PDE1A: variants seen among roughly 807,000 people sequenced by gnomAD.
The protein encoded by PDE1A is dual specificity calcium/calmodulin-dependent 3',5'-cyclic nucleotide phosphodiesterase 1A.
PDE1A carries 35 observed loss-of-function variants against 61.7 expected under a neutral mutation model. The ratio of observed to expected loss-of-function variants is 0.57; its 90% CI spans 0.43 to 0.75. The LOEUF is 0.75. PDE1A is among the 30% of genes least tolerant of loss of function. PDE1A has a pLI of 0.00. For missense variants in PDE1A, 597 were observed against 630.6 expected (o/e 0.95, Z 0.57); for synonymous variants, 232 against 213.2 (o/e 1.09, Z -0.77).
intron 1 of PDE1A, among the ~76,000 whole-genome samples, chr2:182,336,796 A>G (rs1697854787): frequency 6.6e-6 from 1 of 151,228 alleles, no homozygotes; most frequent in Admixed American, 6.6e-5. Context: ...TGAGAGTTGA[A>G]CAATGAGAAC....
chr2:182,406,773 T>C (rs1702319456), intron 1 of PDE1A, among the ~76,000 whole-genome samples: 2 of 152,000 alleles, frequency 1.3e-5, no homozygotes, highest in South Asian at 4.2e-4. Context: ...AAAAAACAAA[T>C]AATTTTTTAA....
intron 1 of PDE1A, among the ~76,000 whole-genome samples, chr2:182,297,525 C>A (rs553377804): frequency 6.6e-6 from 1 of 152,296 alleles, no homozygotes; most frequent in East Asian, 1.9e-4. Context: ...GTGAAAGTAA[C>A]AGTCTAACGT....
rs1396385444 is a variant in PDE1A, at chr2:182,500,330, AG to A, written c.101+21945del. Among the ~76,000 whole-genome samples the A allele has an allele frequency of 5.9e-5, 9 of 152,212 alleles. No individual in the cohort carries two copies. In the East Asian group the frequency reaches 1.5e-3, roughly 26 times the overall value. ...TACATTGGGAGGAGGGTCAGTCAGG[AG>A]GGGGTGGCAGGAGCTTGGTCTAAAA... On this transcript the variant is annotated intron_variant, in intron 2 of 14. Transcript: ENST00000410103.
At chr2:182,230,810 T>C (rs1689518707) in intron 5 of PDE1A, among the ~76,000 whole-genome samples, 3 of 152,206 alleles carry the variant, frequency 2.0e-5, no homozygotes, top group South Asian at 4.1e-4. Flanking sequence ...TATAGTGGCC[T>C]CATGATCTCT....
chr2:182,496,040 A>G (rs1016540908), intron 2 of PDE1A, among the ~76,000 whole-genome samples: 6 of 152,208 alleles, frequency 3.9e-5, no homozygotes, highest in East Asian at 1.9e-4. Context: ...AGAAAAACAC[A>G]TATCTTCCAA....
intron 2 of PDE1A, among the ~76,000 whole-genome samples, chr2:182,440,497 T>C (rs1270782739): frequency 6.6e-6 from 1 of 152,094 alleles, no homozygotes; most frequent in East Asian, 1.9e-4. Context: ...GCAGACATCA[T>C]ATACTTCCAC....
intron 1 of PDE1A, among the ~76,000 whole-genome samples, chr2:182,295,057 CTTTTTTTTTT>C (rs11420821): frequency 5.1e-5 from 3 of 59,370 alleles, no homozygotes; most frequent in Admixed American, 3.1e-4. Flanking sequence ...AAAAGGTAAT[CTTTTTTTTTT>C]TTTTTTTTTT....
intron 13 of PDE1A, among the ~76,000 whole-genome samples, chr2:182,149,650 C>T (rs1354906585): frequency 1.3e-5 from 2 of 152,112 alleles, no homozygotes; most frequent in African/African-American, 4.8e-5. Context: ...TTGGGCAGTA[C>T]TGCTTGTTAG....
chr2:182,388,305 A>G (rs1349737515), intron 1 of PDE1A, among the ~76,000 whole-genome samples: 1 of 152,200 alleles, frequency 6.6e-6, no homozygotes, highest in Non-Finnish European at 1.5e-5. Context: ...GGAAACATCA[A>G]AGTTAAACTG....
At chr2:182,598,674 G>A in the PDE1A span, among the ~76,000 whole-genome samples, 24,224 of 151,998 alleles carry the variant, frequency 0.16, 2,200 homozygotes, top group African/African-American at 0.23. Context: ...TTTCGAGTGT[G>A]GGGGCAGGGC....
the PDE1A span, among the ~76,000 whole-genome samples, chr2:182,584,688 G>A: frequency 2.0e-5 from 3 of 152,104 alleles, no homozygotes; most frequent in Non-Finnish European, 4.4e-5. Flanking sequence ...AGTGAACTCT[G>A]CCCTCCTAGG....
intron 1 of PDE1A, among the ~76,000 whole-genome samples, chr2:182,343,451 A>T (rs989820147): frequency 6.6e-6 from 1 of 152,252 alleles, no homozygotes; most frequent in Non-Finnish European, 1.5e-5. Context: ...AGACCTAACT[A>T]GGTGATCTTT....
At chr2:182,705,429 G>A in the PDE1A span, among the ~76,000 whole-genome samples, 2 of 152,080 alleles carry the variant, frequency 1.3e-5, no homozygotes, top group Non-Finnish European at 2.9e-5. Context: ...GAAAACCAAA[G>A]CCATTGATGA....
At chr2:182,706,315 T>G in the PDE1A span, among the ~76,000 whole-genome samples, 1 of 152,222 alleles carries the variant, frequency 6.6e-6, no homozygotes, top group Non-Finnish European at 1.5e-5. Context: ...TAGCCTGAAG[T>G]TGAAATTTGA....
chr2:182,340,539 A>G (rs1369007879), intron 1 of PDE1A, among the ~76,000 whole-genome samples: 2 of 152,212 alleles, frequency 1.3e-5, no homozygotes, highest in African/African-American at 2.4e-5. Context: ...GAAACAGAAT[A>G]CAAAAGAGAA....
At chr2:182,146,976 T>C, downstream of PDE1A, 1 of 668,626 alleles carries the variant, frequency 1.5e-6, no homozygotes, top group Non-Finnish European at 2.5e-6. Flanking sequence ...TCATCCATAA[T>C]GGTATTCTGC....
At chr2:182,620,610 A>G in the PDE1A span, among the ~76,000 whole-genome samples, 1 of 152,234 alleles carries the variant, frequency 6.6e-6, no homozygotes. Context: ...TATGAATCCA[A>G]GCCTCTTATG....
downstream of PDE1A, among the ~76,000 whole-genome samples, chr2:182,144,540 C>T (rs944987657): frequency 8.5e-5 from 13 of 152,162 alleles, no homozygotes; most frequent in African/African-American, 2.9e-4. Context: ...TTTATGAAGT[C>T]TCAACACGGC....
At chr2:182,277,698 G>A (rs1693527625) in intron 1 of PDE1A, among the ~76,000 whole-genome samples, 1 of 152,104 alleles carries the variant, frequency 6.6e-6, no homozygotes, top group African/African-American at 2.4e-5. Context: ...TTGCTAGAGA[G>A]CTACTGGGTG....
Sources: gnomAD v4.1 joint callset for allele counts (sites outside exome capture counted in the v4.1 genomes callset) on GRCh38, gnomAD v4.1.1 for gene constraint, MANE v1.5 for transcripts, NCBI Gene and HGNC (gene_info 2026-07-23, HGNC 2026-07-21) for gene names.